Variants in CFAP77 observed in about 807,000 individuals in gnomAD.
The protein encoded by CFAP77 is cilia- and flagella-associated protein 77.
CFAP77 carries 25 observed loss-of-function variants against 31.1 expected under a neutral mutation model. The ratio of observed to expected loss-of-function variants is 0.80; its 90% CI spans 0.59 to 1.12. CFAP77 has a LOEUF of 1.12. Ranked by LOEUF, CFAP77 falls within the 50% of genes most tolerant of loss-of-function variation. The pLI is 0.00. For missense variants in CFAP77, 377 were observed against 397.3 expected (o/e 0.95, Z 0.44); for synonymous variants, 151 against 159.9 (o/e 0.94, Z 0.42).
chr9:132,512,901 A>G (rs1056244979), intron 3 of CFAP77, among the ~76,000 whole-genome samples: 1 of 152,200 alleles, frequency 6.6e-6, no homozygotes, highest in Non-Finnish European at 1.5e-5. Flanking sequence ...GAGCTGAGAT[A>G]GTGCCTCTGC....
chr9:132,522,782 A>T (rs934283129), intron 3 of CFAP77, among the ~76,000 whole-genome samples: 1 of 152,178 alleles, frequency 6.6e-6, no homozygotes, highest in African/African-American at 2.4e-5. Context: ...TTGTGGTGGA[A>T]AACAAACGGC....
chr9:132,416,302 C>A (rs1850094557), intron 1 of CFAP77, among the ~76,000 whole-genome samples: 1 of 141,368 alleles, frequency 7.1e-6, no homozygotes, highest in Non-Finnish European at 1.5e-5. Context: ...TGTTGATATG[C>A]TATAACTGTT....
chr9:132,519,859 GATGA>G (rs1852238269), intron 3 of CFAP77, among the ~76,000 whole-genome samples: 1 of 148,124 alleles, frequency 6.8e-6, no homozygotes, highest in Admixed American at 6.7e-5. Flanking sequence ...TGGGTGGGTG[GATGA>G]ATGGATGGAT....
intron 1 of CFAP77, among the ~76,000 whole-genome samples, chr9:132,420,738 C>A (rs1015994857): frequency 6.6e-6 from 1 of 152,068 alleles, no homozygotes; most frequent in African/African-American, 2.4e-5. Flanking sequence ...TTCTTTAACA[C>A]CTTTTGAGCA....
chr9:132,518,802 T>C (rs1410143088), intron 3 of CFAP77, among the ~76,000 whole-genome samples: 2 of 152,312 alleles, frequency 1.3e-5, no homozygotes, highest in African/African-American at 2.4e-5. Context: ...TGGATTAACC[T>C]TTCTCTCCTC....
At chr9:132,505,263 C>G (rs1440762276) in intron 3 of CFAP77, among the ~76,000 whole-genome samples, 7 of 152,216 alleles carry the variant, frequency 4.6e-5, no homozygotes, top group African/African-American at 1.7e-4. Context: ...TGCACCCCCT[C>G]TTCTCCACAC....
At chr9:132,438,519 G>GTATATATA (rs34631762) in intron 1 of CFAP77, among the ~76,000 whole-genome samples, 15 of 116,672 alleles carry the variant, frequency 1.3e-4, no homozygotes, top group East Asian at 1.2e-3. Flanking sequence ...AACAGATATG[G>GTATATATA]TATATATATA....
intron 3 of CFAP77, among the ~76,000 whole-genome samples, chr9:132,531,880 G>A (rs958025821): frequency 6.6e-5 from 10 of 152,196 alleles, no homozygotes; most frequent in Non-Finnish European, 1.0e-4. Flanking sequence ...CTAGACATGA[G>A]GATGTCAGCC....
At chr9:132,471,951 A>G (rs1851267079) in intron 1 of CFAP77, among the ~76,000 whole-genome samples, 1 of 152,156 alleles carries the variant, frequency 6.6e-6, no homozygotes, top group Non-Finnish European at 1.5e-5. Flanking sequence ...CCTGGACTCA[A>G]TCTGCCTGCC....
intron 1 of CFAP77, among the ~76,000 whole-genome samples, chr9:132,436,510 T>A (rs976594730): frequency 6.6e-6 from 1 of 152,230 alleles, no homozygotes; most frequent in African/African-American, 2.4e-5. Context: ...TTTGAATTGG[T>A]CACTTGATCC....
chr9:132,477,845 G>T (rs900007597), intron 1 of CFAP77, among the ~76,000 whole-genome samples: 1 of 152,154 alleles, frequency 6.6e-6, no homozygotes, highest in African/African-American at 2.4e-5. Flanking sequence ...TCTGAGTCTG[G>T]ACCAGCATTC....
intron 1 of CFAP77, among the ~76,000 whole-genome samples, chr9:132,451,724 A>C (rs1850830314): frequency 6.6e-6 from 1 of 151,768 alleles, no homozygotes; most frequent in Non-Finnish European, 1.5e-5. Context: ...TGCCTTCATT[A>C]TGGCATCTCT....
At chr9:132,436,449 G>T (rs12353416) in intron 1 of CFAP77, among the ~76,000 whole-genome samples, 4,279 of 152,262 alleles carry the variant, frequency 0.028, 193 homozygotes, top group African/African-American at 0.098. Flanking sequence ...CACATTCACA[G>T]GTTCTGGGGA....
chr9:132,419,173 C>A (rs1284098452), intron 1 of CFAP77, among the ~76,000 whole-genome samples: 1 of 152,058 alleles, frequency 6.6e-6, no homozygotes, highest in African/African-American at 2.4e-5. Context: ...GATTTTTGAT[C>A]TTTTATATGA....
At chr9:132,466,925 C>T (rs1589867504) in intron 1 of CFAP77, among the ~76,000 whole-genome samples, 1 of 152,202 alleles carries the variant, frequency 6.6e-6, no homozygotes, top group African/African-American at 2.4e-5. Flanking sequence ...CACCTGTAAT[C>T]CCAGCACTTT....
At position 132,450,017 on chromosome 9, in the gene CFAP77, A is replaced by G. The variant is rs368460561; in HGVS notation, c.195+39551A>G. ...AAGCTCCGCCTCCCGGGTTCACGCC[A>G]TGCTCCTGCCTCAGCCTCCTGAGTA... On this transcript the variant is annotated intron_variant, in intron 1 of 5. Coordinates refer to ENST00000393216, the MANE Select transcript of CFAP77 (RefSeq NM_001282957.2). Among the ~76,000 whole-genome samples, 725 of 152,244 alleles carry G rather than the reference A, an allele frequency of 4.8e-3. 7 individuals are homozygous for G. The highest frequency in any genetic ancestry group is 0.017 in the African/African-American group (705 of 41,540).
chr9:132,429,441 G>A (rs1423789655), intron 1 of CFAP77, among the ~76,000 whole-genome samples: 1 of 151,152 alleles, frequency 6.6e-6, no homozygotes, highest in Admixed American at 6.6e-5. Context: ...GGGAGGCTGA[G>A]GCAGGAGAAT....
intron 1 of CFAP77, among the ~76,000 whole-genome samples, chr9:132,461,047 C>T (rs942410369): frequency 2.0e-5 from 3 of 152,038 alleles, no homozygotes; most frequent in African/African-American, 2.4e-5. Flanking sequence ...TTTTATACTA[C>T]GTAATTTTCA....
intron 1 of CFAP77, among the ~76,000 whole-genome samples, chr9:132,410,733 C>A (rs755628677): frequency 2.6e-5 from 4 of 152,216 alleles, no homozygotes; most frequent in Admixed American, 6.5e-5. Flanking sequence ...TTCTGCGGGA[C>A]CTCGGGACAG....
Sources: gnomAD v4.1 joint callset for allele counts (sites outside exome capture counted in the v4.1 genomes callset) on GRCh38, gnomAD v4.1.1 for gene constraint, MANE v1.5 for transcripts, NCBI Gene and HGNC (gene_info 2026-07-23, HGNC 2026-07-21) for gene names.